The following DDX21 variants were observed in gnomAD, a reference collection of about 807,000 sequenced individuals.
The protein encoded by DDX21 is DExD-box helicase 21, also known as nucleolar RNA helicase 2.
DDX21 carries 18 observed loss-of-function variants against 90.0 expected under a neutral mutation model. The observed-to-expected ratio is 0.20, with a 90% confidence interval of 0.14 to 0.30. The LOEUF (loss-of-function observed/expected upper bound fraction) is 0.30. DDX21 is among the 10% of genes least tolerant of loss of function. The pLI is 1.00. For missense variants in DDX21, 673 were observed against 944.5 expected (o/e 0.71, Z 3.77); for synonymous variants, 294 against 318.0 (o/e 0.92, Z 0.80).
chr10:68,976,249 G>GAAGA (rs917690088), intron 11 of DDX21, among the ~76,000 whole-genome samples: 3 of 150,380 alleles, frequency 2.0e-5, no homozygotes, highest in African/African-American at 7.3e-5. Context: ...GGGAAGGAAG[G>GAAGA]AAGAAAGAAG....
chr10:68,957,402 C>T (rs929238825), intron 1 of DDX21, among the ~76,000 whole-genome samples: 4 of 152,192 alleles, frequency 2.6e-5, no homozygotes, highest in African/African-American at 9.7e-5. Context: ...GACTGAGTCT[C>T]TGTTCTGAGA....
chr10:68,966,465 CAG>C (rs1842939568), intron 5 of DDX21, among the ~76,000 whole-genome samples: 2 of 151,856 alleles, frequency 1.3e-5, no homozygotes, highest in Admixed American at 6.6e-5. Context: ...TTTGGTGAGA[CAG>C]AGTCTCACTC....
In DDX21 at chr10:68,978,926, G is replaced by A. The variant is rs144250976; in HGVS notation, c.1987G>A (p.Glu663Lys). Reference sequence around the variant, plus strand: ...GAAAGAACTTAAAGAGCAGCTGGGCGAGGAGATTGATTCCAAAGTGAAGGG... The same window carrying A: ...GAAAGAACTTAAAGAGCAGCTGGGCAAGGAGATTGATTCCAAAGTGAAGGG... The part of the protein sequence containing the change: ...AWKELKEQLG[E>K]EIDSKVKGMV... Residue 663 changes from glutamate to lysine, a missense_variant, in exon 13 of 15, where the codon GAG becomes AAG. Around this residue, in one of 4 missense-constraint regions of DDX21, gnomAD observed 225 missense variants for 298.8 expected, o/e 0.75. Coordinates refer to ENST00000354185, the MANE Select transcript of DDX21 (RefSeq NM_004728.4). 19 of 1,614,072 alleles carry A rather than the reference G, an allele frequency of 1.2e-5. No homozygotes were observed. Among genetic ancestry groups the A allele is most frequent in the African/African-American group, 4.0e-5 (3 of 74,948 alleles).
intron 13 of DDX21, among the ~76,000 whole-genome samples, chr10:68,979,969 C>T (rs1018771934): frequency 3.9e-5 from 6 of 152,154 alleles, no homozygotes; most frequent in Admixed American, 2.0e-4. Flanking sequence ...GGCTGGGCCC[C>T]GTGGCTCATG....
Position 68,970,693 on chromosome 10 carries a change from C to T in DDX21, c.1386+343C>T, listed in dbSNP as rs144794951. On this transcript the variant is annotated intron_variant, in intron 8 of 14. Coordinates refer to ENST00000354185, the MANE Select transcript of DDX21 (RefSeq NM_004728.4). ...TTTGAGAGGGGGTCTCGCTTCTTCGCCCAGGCTGGACTGCAATGGTGTGAT... is the reference window on the plus strand; with the variant it reads ...TTTGAGAGGGGGTCTCGCTTCTTCGTCCAGGCTGGACTGCAATGGTGTGAT... Among the ~76,000 whole-genome samples the T allele has an allele frequency of 5.2e-3, 797 of 152,058 alleles. 5 individuals carry two copies. Among genetic ancestry groups the T allele is most frequent in the Non-Finnish European group, 8.8e-3 (595 of 67,974 alleles).
At chr10:68,979,076 T>C in intron 13 of DDX21, 100 bp downstream of exon 13, 9 of 1,502,660 alleles carry the variant, frequency 6.0e-6, no homozygotes, top group Non-Finnish European at 8.1e-6. Context: ...GCTGCATCTC[T>C]TCACTCTCTC....
intron 1 of DDX21, among the ~76,000 whole-genome samples, chr10:68,958,619 A>G (rs1842832178): frequency 6.6e-6 from 1 of 151,916 alleles, no homozygotes; most frequent in African/African-American, 2.4e-5. Context: ...TTGTACTTTT[A>G]GTAGAGATGA....
At position 68,971,919 on chromosome 10, in the gene DDX21, C is replaced by T; in HGVS notation, c.1415C>T (p.Pro472Leu). Residue 472 changes from proline to leucine, a missense_variant, in exon 9 of 15, where the codon CCA (proline) becomes CTA (leucine). Pro to Leu is a moderately conservative substitution (Grantham distance 98). This residue lies in a region of DDX21 where 218 missense variants were observed against 347.3 expected (regional missense o/e 0.63). Transcript: ENST00000354185. ...GCTCAGTCCTTGCATGGAGACATTC[C>T]ACAGAAGCAAAGGGAAATCACCCTG... ...QDAQSLHGDIPQKQREITLKG... is the reference protein window; with the variant it reads ...QDAQSLHGDILQKQREITLKG... The T allele has an allele frequency of 1.2e-6, 2 of 1,614,078 alleles. No homozygotes were observed. The highest frequency in any genetic ancestry group is 1.7e-6 in the Non-Finnish European group (2 of 1,179,980).
At chr10:68,970,179 G>GC in intron 7 of DDX21, 22 bp from the exon 8 acceptor site, 1 of 1,592,290 alleles carries the variant, frequency 6.3e-7, no homozygotes, top group Non-Finnish European at 8.5e-7. Context: ...CTAAATAGAT[G>GC]TTTTTTTTCT....
rs1405769058 is a variant in DDX21 at position 68,983,252 on chromosome 10, G to A, written c.*440G>A. 5.6e-6 allele frequency: 1 copy of A among 177,796 alleles called. No individual in the cohort carries two copies. Among genetic ancestry groups the A allele is most frequent in the East Asian group, 1.4e-4 (1 of 7,310 alleles). 11.0% of individuals were successfully genotyped at this position (177,796 alleles called of 1,614,324 possible). The stretch of plus-strand genomic sequence containing the variant: ...GAAGTTAAGGTTTCCTCAGCCACCT[G>A]CCGAACAGTTTCTCATGTGGTCCTA... On this transcript the variant is annotated 3_prime_UTR_variant, in exon 15 of 15. Coordinates refer to ENST00000354185, the MANE Select transcript of DDX21 (RefSeq NM_004728.4).
intron 4 of DDX21, among the ~76,000 whole-genome samples, chr10:68,964,661 CTTTT>C (rs370442851): frequency 1.8e-4 from 18 of 100,080 alleles, no homozygotes; most frequent in African/African-American, 6.1e-4. Flanking sequence ...TGCACCTGGA[CTTTT>C]TTTTTTTTTT....
rs139767942 is a variant in DDX21, at chr10:68,960,324, G to A, written c.531+75G>A. On this transcript the variant is annotated intron_variant, in intron 2 of 14. Coordinates refer to ENST00000354185, the MANE Select transcript of DDX21 (RefSeq NM_004728.4). ...ATAAATAAGTAGGTAACTGCTATAT[G>A]TACTCTTTAATAGTAGGAGAAAATG... 2.8e-6 allele frequency: 4 copies of A among 1,428,948 alleles called. No individual in the cohort carries two copies. In the East Asian group the frequency reaches 7.0e-5, roughly 25 times the overall value. The allele number at this position is 1,428,948 out of a possible 1,614,324, so 88.5% of individuals were successfully genotyped here.
intron 8 of DDX21, among the ~76,000 whole-genome samples, chr10:68,970,653 T>G (rs1183749433): frequency 6.6e-6 from 1 of 151,964 alleles, no homozygotes; most frequent in African/African-American, 2.4e-5. Context: ...GTTAATTTTG[T>G]TTTTTCTTTA....
intron 10 of DDX21, 127 bp downstream of exon 10, chr10:68,973,791 T>G: frequency 2.4e-6 from 3 of 1,262,974 alleles, no homozygotes; most frequent in Non-Finnish European, 3.2e-6. Flanking sequence ...AAGCTTATTG[T>G]TAGGTACATA....
At chr10:68,970,176 G>C in intron 7 of DDX21, 25 bp from the exon 8 acceptor site, 1 of 1,594,578 alleles carries the variant, frequency 6.3e-7, no homozygotes, top group South Asian at 1.1e-5. Flanking sequence ...TTACTAAATA[G>C]ATGTTTTTTT....
At chr10:68,974,987 C>G (rs145500381) in intron 11 of DDX21, among the ~76,000 whole-genome samples, 1 of 151,412 alleles carries the variant, frequency 6.6e-6, no homozygotes, top group East Asian at 1.9e-4. Context: ...AACTGATAAC[C>G]TGTTTATCAA....
intron 11 of DDX21, among the ~76,000 whole-genome samples, chr10:68,975,820 G>A (rs753573946): frequency 6.6e-6 from 1 of 152,084 alleles, no homozygotes; most frequent in South Asian, 2.1e-4. Flanking sequence ...AGGCCAAGGC[G>A]GGTGGATTAC....
Position 68,956,555 on chromosome 10 carries a change from T to G in DDX21, c.87+243T>G, listed in dbSNP as rs1256209819. 3 of 1,352,888 alleles carry G rather than the reference T, an allele frequency of 2.2e-6. No homozygotes were observed. In the African/African-American group the frequency reaches 4.4e-5, roughly 20 times the overall value. 83.8% of individuals were successfully genotyped at this position (1,352,888 alleles called of 1,614,324 possible). On this transcript the variant is annotated intron_variant, in intron 1 of 14. Transcript: ENST00000354185. ...ACCTCTTCCTCTGAGCTTATAGGCA[T>G]CCACAGGTCGGAACTCTGGTAGAGA... is the stretch of plus-strand genomic sequence containing the variant.
At chr10:68,957,057 G>A (rs910407996) in intron 1 of DDX21, among the ~76,000 whole-genome samples, 1 of 148,548 alleles carries the variant, frequency 6.7e-6, no homozygotes, top group African/African-American at 2.5e-5. Context: ...AAAAAAAAAT[G>A]TGGGCACTGG....
Sources: gnomAD v4.1 joint callset for allele counts (sites outside exome capture counted in the v4.1 genomes callset) on GRCh38, gnomAD v4.1.1 for gene constraint, gnomAD v4.1.1 regional missense constraint, MANE v1.5 for transcripts, NCBI Gene and HGNC (gene_info 2026-07-23, HGNC 2026-07-21) for gene names.